KYNU: variants seen among roughly 807,000 people sequenced by gnomAD.
KYNU encodes the protein L-kynurenine hydrolase.
KYNU carries 54 observed loss-of-function variants against 59.2 expected under a neutral mutation model. That is an observed-to-expected ratio of 0.91 (90% CI 0.73 to 1.14). The LOEUF is 1.14. KYNU is among the 50% of genes most tolerant of loss of function. KYNU has a pLI of 0.00. For synonymous variants in KYNU, 177 were observed against 192.0 expected, an observed-to-expected ratio of 0.92 and a Z score of 0.65; for missense variants, 567 against 554.4, an observed-to-expected ratio of 1.02 and a Z score of -0.23.
intron 10 of KYNU, among the ~76,000 whole-genome samples, chr2:142,995,246 C>T (rs1414855079): frequency 1.3e-5 from 2 of 152,000 alleles, no homozygotes; most frequent in Non-Finnish European, 2.9e-5. Flanking sequence ...CTTTAGAAAA[C>T]AATTTTTATT....
At chr2:142,957,620 T>C (rs1225151194) in intron 6 of KYNU, 21 bp from the exon 7 acceptor site, 2 of 1,462,452 alleles carry the variant, frequency 1.4e-6, no homozygotes, top group Non-Finnish European at 1.9e-6. Flanking sequence ...ATTTGATAAA[T>C]ACATCATCTT....
chr2:142,983,181 G>A (rs972366697), intron 8 of KYNU, among the ~76,000 whole-genome samples: 4 of 151,242 alleles, frequency 2.6e-5, no homozygotes, highest in Non-Finnish European at 5.9e-5. Context: ...GGAGGGCATG[G>A]AGGAGCAGCT....
At chr2:142,889,236 T>C (rs1681620586) in intron 2 of KYNU, among the ~76,000 whole-genome samples, 1 of 152,120 alleles carries the variant, frequency 6.6e-6, no homozygotes. Context: ...CTAAGTTGAA[T>C]GAAAGAAATG....
At chr2:142,908,652 T>A (rs1233117180) in intron 2 of KYNU, among the ~76,000 whole-genome samples, 1 of 151,960 alleles carries the variant, frequency 6.6e-6, no homozygotes, top group East Asian at 1.9e-4. Context: ...TTTTTTTTTT[T>A]GAGATGGAGT....
At chr2:143,015,776 AT>A in intron 10 of KYNU, among the ~76,000 whole-genome samples, 1 of 152,224 alleles carries the variant, frequency 6.6e-6, no homozygotes, top group Non-Finnish European at 1.5e-5. Flanking sequence ...AAGACTTTAT[AT>A]TTTGAGACAC....
At chr2:142,895,763 C>T (rs759192431) in intron 2 of KYNU, among the ~76,000 whole-genome samples, 42 of 152,166 alleles carry the variant, frequency 2.8e-4, no homozygotes, top group Admixed American at 1.9e-3. Flanking sequence ...CAGCTCACTG[C>T]AGCCTTGATC....
chr2:143,034,307 C>G (rs927671988), intron 12 of KYNU, among the ~76,000 whole-genome samples: 2 of 151,926 alleles, frequency 1.3e-5, no homozygotes, highest in Non-Finnish European at 2.9e-5. Flanking sequence ...TTTCATGTCT[C>G]CTTCTAAAAT....
chr2:142,909,906 T>C (rs2104968071), intron 2 of KYNU, among the ~76,000 whole-genome samples: 1 of 152,300 alleles, frequency 6.6e-6, no homozygotes, highest in Non-Finnish European at 1.5e-5. Flanking sequence ...TGAACTAATT[T>C]ACATTCCCAC....
chr2:143,033,824 T>C (rs147782096), intron 12 of KYNU, among the ~76,000 whole-genome samples: 2 of 152,094 alleles, frequency 1.3e-5, no homozygotes, highest in Non-Finnish European at 2.9e-5. Context: ...AAAGACTTAC[T>C]TGAAGGAAAA....
chr2:142,959,572 G>A (rs545362695), intron 7 of KYNU, among the ~76,000 whole-genome samples: 2 of 151,252 alleles, frequency 1.3e-5, no homozygotes, highest in Non-Finnish European at 2.9e-5. Flanking sequence ...GGCAACAAGA[G>A]TGAAGCTCCG....
intron 10 of KYNU, among the ~76,000 whole-genome samples, chr2:143,006,395 G>C (rs565018312): frequency 3.3e-5 from 5 of 151,908 alleles, no homozygotes; most frequent in East Asian, 1.9e-4. Flanking sequence ...CACCTGGCTC[G>C]GAGGGTCCTA....
chr2:143,042,211 AGCTGCTGTGG>A lies in KYNU; in HGVS notation c.*40_*49del. 6.3e-7 allele frequency: 1 copy of A among 1,594,248 alleles called. No individual in the cohort carries two copies. ...AACAACTTAAGCAAATTATACTGAA[AGCTGCTGTGG>A]TTATTTCAGTATTATTCGATTTTTA... On this transcript the variant is annotated 3_prime_UTR_variant, in exon 14 of 14. Transcript: ENST00000264170.
At chr2:142,900,900 G>A (rs1682058066) in intron 2 of KYNU, among the ~76,000 whole-genome samples, 1 of 152,124 alleles carries the variant, frequency 6.6e-6, no homozygotes, top group Non-Finnish European at 1.5e-5. Context: ...GGCTCCATTT[G>A]AAGAACAATT....
chr2:142,912,278 T>C (rs1032123170), intron 2 of KYNU, among the ~76,000 whole-genome samples: 7 of 152,050 alleles, frequency 4.6e-5, no homozygotes, highest in South Asian at 2.1e-4. Flanking sequence ...TCTTGGGAGG[T>C]TGTATCTTTC....
chr2:142,905,047 T>C (rs6429993), intron 2 of KYNU, among the ~76,000 whole-genome samples: 78,341 of 151,996 alleles, frequency 0.52, 20,535 homozygotes, highest in South Asian at 0.69. Context: ...TTATGCAAAT[T>C]CGTTTCAGAG....
rs1026838854 is a variant in KYNU at position 143,054,252 on chromosome 2, G to A, written c.*12080G>A. ...TTACTATGTATAAGTATTTCCCCAA[G>A]TTTCACTTTATCTTTCTATTACTTT... On this transcript the variant is annotated 3_prime_UTR_variant, in exon 14 of 14. Coordinates refer to ENST00000264170, the MANE Select transcript of KYNU (RefSeq NM_003937.3). 1 of 151,686 alleles carries A rather than the reference G, an allele frequency of 6.6e-6. No individual in the cohort carries two copies. Among genetic ancestry groups the A allele is most frequent in the African/African-American group, 2.4e-5 (1 of 41,218 alleles). 9.4% of individuals were successfully genotyped at this position (151,686 alleles called of 1,614,324 possible).
chr2:142,889,309 CG>C (rs1553473152), intron 2 of KYNU, among the ~76,000 whole-genome samples: 1 of 151,966 alleles, frequency 6.6e-6, no homozygotes, highest in Non-Finnish European at 1.5e-5. Context: ...CAGACAGTGG[CG>C]GGGGGACTCA....
intron 10 of KYNU, among the ~76,000 whole-genome samples, chr2:143,012,094 G>T (rs56806710): frequency 0.088 from 13,352 of 150,956 alleles, 809 homozygotes; most frequent in African/African-American, 0.17. Context: ...TACACTGGTT[G>T]TCCCCAAAGC....
In KYNU at chr2:142,927,744, A is replaced by G; in HGVS notation, c.373+3A>G. ...AGGCCTTATGAAGGACATTGTAGGT[A>G]AGTACAAAACACTGAAGTTTTTCCA... is the stretch of plus-strand genomic sequence containing the variant. On this transcript the variant is annotated splice_donor_region_variant and intron_variant, in intron 4 of 13. Transcript: ENST00000264170. The G allele has an allele frequency of 1.3e-6, 2 of 1,598,800 alleles. No individual in the cohort carries two copies. Among genetic ancestry groups the G allele is most frequent in the Non-Finnish European group, 1.7e-6 (2 of 1,166,144 alleles).
Sources: allele counts gnomAD v4.1 joint callset (sites outside exome capture counted in the v4.1 genomes callset), GRCh38; gene constraint gnomAD v4.1.1; transcripts MANE v1.5; gene names NCBI Gene and HGNC (gene_info 2026-07-23, HGNC 2026-07-21).